FRMD6: variants seen among roughly 807,000 people sequenced by gnomAD.
The protein encoded by FRMD6 is FERM domain-containing protein 6.
Under a neutral mutation model 73.2 loss-of-function variants are expected in FRMD6, and 37 were observed. The ratio of observed to expected loss-of-function variants is 0.51; its 90% CI spans 0.39 to 0.66. The LOEUF is 0.66. Ranked by LOEUF, FRMD6 falls within the 30% of genes least tolerant of loss-of-function variation. FRMD6 has a pLI of 0.00. For missense variants in FRMD6, 714 were observed against 780.5 expected (o/e 0.91, Z 1.02); for synonymous variants, 273 against 282.2 (o/e 0.97, Z 0.33).
chr14:51,432,613 C>T, the FRMD6 span, among the ~76,000 whole-genome samples: 2 of 152,214 alleles, frequency 1.3e-5, no homozygotes, highest in Admixed American at 6.5e-5. Context: ...AAACACAGGG[C>T]TTACTTTTAA....
chr14:51,422,136 A>G, the FRMD6 span, among the ~76,000 whole-genome samples: 401 of 152,302 alleles, frequency 2.6e-3, 3 homozygotes, highest in African/African-American at 9.2e-3. Flanking sequence ...CAATTTACCC[A>G]TTTAAAATAT....
At chr14:51,559,824 G>A (rs143572859) in intron 1 of FRMD6, among the ~76,000 whole-genome samples, 131 of 152,230 alleles carry the variant, frequency 8.6e-4, no homozygotes, top group African/African-American at 2.9e-3. Flanking sequence ...TTGATAGATG[G>A]GTTATACAAA....
chr14:51,504,348 G>A (rs181373130), intron 1 of FRMD6, among the ~76,000 whole-genome samples: 24 of 152,344 alleles, frequency 1.6e-4, no homozygotes, highest in African/African-American at 5.1e-4. Context: ...CAGCCTGAAC[G>A]CACCTGTAGG....
the FRMD6 span, among the ~76,000 whole-genome samples, chr14:51,414,577 T>A: frequency 6.6e-6 from 1 of 152,330 alleles, no homozygotes; most frequent in African/African-American, 2.4e-5. Context: ...TAGTTTGAAG[T>A]CAGGTAGTGT....
At chr14:51,665,872 C>G (rs777079726) in intron 1 of FRMD6, among the ~76,000 whole-genome samples, 1 of 152,216 alleles carries the variant, frequency 6.6e-6, no homozygotes, top group Non-Finnish European at 1.5e-5. Flanking sequence ...CTCTTCTCGT[C>G]TGCCGCCATA....
At chr14:51,467,962 C>A in the FRMD6 span, among the ~76,000 whole-genome samples, 2 of 151,934 alleles carry the variant, frequency 1.3e-5, no homozygotes, top group African/African-American at 4.8e-5. Context: ...GAGGTTGTAG[C>A]GAGCCGAGAT....
intron 2 of FRMD6, among the ~76,000 whole-genome samples, chr14:51,695,293 T>A (rs1374849629): frequency 6.6e-6 from 1 of 152,218 alleles, no homozygotes; most frequent in Non-Finnish European, 1.5e-5. Context: ...GTTCTCCTCT[T>A]CTTTATCATT....
intron 1 of FRMD6, among the ~76,000 whole-genome samples, chr14:51,551,236 C>T (rs1596581433): frequency 6.6e-6 from 1 of 152,186 alleles, no homozygotes; most frequent in East Asian, 1.9e-4. Context: ...ATTCTTGGGG[C>T]ACTTCCTCTT....
chr14:51,605,331 T>C (rs8014154), intron 2 of FRMD6, among the ~76,000 whole-genome samples: 62,858 of 151,386 alleles, frequency 0.42, 15,203 homozygotes, highest in East Asian at 0.68. Context: ...TAGGGAGTGG[T>C]GATGACTCTT....
At chr14:51,502,544 T>C (rs1883683394) in intron 1 of FRMD6, among the ~76,000 whole-genome samples, 1 of 152,196 alleles carries the variant, frequency 6.6e-6, no homozygotes, top group Non-Finnish European at 1.5e-5. Flanking sequence ...TCTCTATTCG[T>C]TCCATTGGTC....
At position 51,720,136 on chromosome 14, in the gene FRMD6, G is replaced by A; in HGVS notation, c.1106G>A (p.Ser369Asn). Residue 369 changes from serine (S) to asparagine (N), a missense_variant, in exon 11 of 14, where the codon AGC becomes AAC. Physicochemically the swap from Ser to Asn is conservative, Grantham distance 46. Transcript: ENST00000344768. ...MDQLEKRSRA[S>N]GSSAGSMKHK... ...CAGCTGGAAAAACGGTCGCGGGCCA[G>A]CGGGAGCAGTGCGGGCAGCATGAAA... The A allele has an allele frequency of 6.2e-7, 1 of 1,613,890 alleles. No individual in the cohort carries two copies. The highest frequency in any genetic ancestry group is 8.5e-7 in the Non-Finnish European group (1 of 1,180,034).
intron 2 of FRMD6, among the ~76,000 whole-genome samples, chr14:51,640,618 G>C (rs181792466): frequency 2.6e-5 from 4 of 152,300 alleles, no homozygotes; most frequent in Admixed American, 6.5e-5. Flanking sequence ...ATGAGAATTT[G>C]AGTATATTTG....
intron 1 of FRMD6, among the ~76,000 whole-genome samples, chr14:51,531,841 A>G (rs1295747303): frequency 6.6e-6 from 1 of 152,264 alleles, no homozygotes. Flanking sequence ...AATTGCAGCC[A>G]TAAGTTGGCT....
At chr14:51,725,353 C>T (rs1305574395) in intron 12 of FRMD6, among the ~76,000 whole-genome samples, 2 of 152,132 alleles carry the variant, frequency 1.3e-5, no homozygotes, top group Non-Finnish European at 2.9e-5. Flanking sequence ...ACTATACATC[C>T]AAGCCGAACC....
chr14:51,599,831 G>A (rs1473531432), intron 2 of FRMD6: 1 of 149,876 alleles, frequency 6.7e-6, no homozygotes, highest in Non-Finnish European at 1.5e-5. Flanking sequence ...ACATACCTTT[G>A]AGAACCTCTC....
At chr14:51,405,660 G>A in the FRMD6 span, among the ~76,000 whole-genome samples, 3 of 151,726 alleles carry the variant, frequency 2.0e-5, no homozygotes, top group African/African-American at 7.3e-5. Context: ...TTTTAATGGG[G>A]TTATTTGTTT....
At chr14:51,680,253 C>T (rs1460209338) in intron 1 of FRMD6, among the ~76,000 whole-genome samples, 1 of 152,188 alleles carries the variant, frequency 6.6e-6, no homozygotes, top group African/African-American at 2.4e-5. Context: ...GGGCCCTTAT[C>T]TGTATTACTT....
the FRMD6 span, among the ~76,000 whole-genome samples, chr14:51,417,142 GC>G: frequency 6.6e-6 from 1 of 152,114 alleles, no homozygotes; most frequent in Non-Finnish European, 1.5e-5. Flanking sequence ...GAGGCATTTA[GC>G]CCATTTACAT....
At position 51,666,750 on chromosome 14, in the gene FRMD6, T is replaced by A. The variant is rs116050150; in HGVS notation, c.-147+14754T>A. Among the ~76,000 whole-genome samples, 882 of 152,362 alleles carry A rather than the reference T, an allele frequency of 5.8e-3. 11 individuals are homozygous for A. The highest frequency in any genetic ancestry group is 0.021 in the African/African-American group (856 of 41,580). ...ATTGCGTTAGTGATAAACAAAATTA[T>A]GATTTATAGCTCTAGAATTTATTGT... On this transcript the variant is annotated intron_variant, in intron 1 of 13. Transcript: ENST00000344768.
Sources: gnomAD v4.1 joint callset for allele counts (sites outside exome capture counted in the v4.1 genomes callset) on GRCh38, gnomAD v4.1.1 for gene constraint, MANE v1.5 for transcripts, NCBI Gene and HGNC (gene_info 2026-07-23, HGNC 2026-07-21) for gene names.